Variants in SAMTOR observed in about 807,000 individuals in gnomAD.
SAMTOR encodes S-adenosylmethionine sensor upstream of mTORC1.
chr7:112,918,000 T>C, the SAMTOR span, among the ~76,000 whole-genome samples: 1 of 152,076 alleles, frequency 6.6e-6, no homozygotes, highest in Non-Finnish European at 1.5e-5. Flanking sequence ...ATGGGGAGAA[T>C]GGAACCAAGT....
chr7:112,834,626 C>T, the SAMTOR span, among the ~76,000 whole-genome samples: 1 of 152,132 alleles, frequency 6.6e-6, no homozygotes, highest in Non-Finnish European at 1.5e-5. Context: ...GAATCACATC[C>T]ATTTGTCCAA....
the SAMTOR span, among the ~76,000 whole-genome samples, chr7:112,865,613 T>C: frequency 2.7e-5 from 4 of 147,506 alleles, no homozygotes; most frequent in South Asian, 8.4e-4. Flanking sequence ...TTCATATATA[T>C]ACATATATTC....
chr7:112,896,365 G>A, the SAMTOR span, among the ~76,000 whole-genome samples: 1 of 152,150 alleles, frequency 6.6e-6, no homozygotes, highest in Non-Finnish European at 1.5e-5. Flanking sequence ...ATTGCTTGGT[G>A]AAGTTCCAAA....
chr7:112,920,069 A>G, the SAMTOR span, among the ~76,000 whole-genome samples: 1 of 152,156 alleles, frequency 6.6e-6, no homozygotes, highest in Non-Finnish European at 1.5e-5. Context: ...AATCAACAGA[A>G]AAAGAGGGAA....
the SAMTOR span, among the ~76,000 whole-genome samples, chr7:112,891,878 T>G: frequency 6.6e-6 from 1 of 152,234 alleles, no homozygotes; most frequent in Non-Finnish European, 1.5e-5. Flanking sequence ...TGATGGTTGC[T>G]GAAAGCTGGG....
At chr7:112,860,843 C>T in the SAMTOR span, among the ~76,000 whole-genome samples, 11 of 137,810 alleles carry the variant, frequency 8.0e-5, no homozygotes, top group African/African-American at 2.8e-4. Context: ...ACCGGGGAGG[C>T]GGAGCTTGCA....
the SAMTOR span, among the ~76,000 whole-genome samples, chr7:112,912,036 C>CAT: frequency 1.9e-4 from 29 of 150,478 alleles, no homozygotes; most frequent in African/African-American, 6.4e-4. Flanking sequence ...GAAAAAAATA[C>CAT]ATATATATAT....
chr7:112,851,039 G>C, the SAMTOR span, among the ~76,000 whole-genome samples: 1 of 152,146 alleles, frequency 6.6e-6, no homozygotes, highest in East Asian at 1.9e-4. Context: ...TCTACAAGGA[G>C]AACTACAAAA....
chr7:112,871,453 C>CA, the SAMTOR span, among the ~76,000 whole-genome samples: 1,642 of 152,098 alleles, frequency 0.011, 29 homozygotes, highest in African/African-American at 0.037. Flanking sequence ...AGGCATAAAT[C>CA]AAAAACTATT....
chr7:112,838,465 A>C, the SAMTOR span, among the ~76,000 whole-genome samples: 3 of 151,894 alleles, frequency 2.0e-5, no homozygotes, highest in Non-Finnish European at 4.4e-5. Context: ...TTATTTTTGC[A>C]AAAAAGAAAT....
the SAMTOR span, chr7:112,819,695 A>ATT: frequency 6.6e-6 from 1 of 152,602 alleles, no homozygotes; most frequent in Non-Finnish European, 1.5e-5. Flanking sequence ...ACTTTGGAGC[A>ATT]TAAGCAGAAT....
chr7:112,870,862 A>G, the SAMTOR span, among the ~76,000 whole-genome samples: 1 of 150,926 alleles, frequency 6.6e-6, no homozygotes, highest in Admixed American at 6.6e-5. Context: ...AATGGAATAT[A>G]AAAAAAAACA....
the SAMTOR span, among the ~76,000 whole-genome samples, chr7:112,868,621 C>T: frequency 6.6e-6 from 1 of 152,190 alleles, no homozygotes; most frequent in Non-Finnish European, 1.5e-5. Context: ...GAGAGGAGGA[C>T]ACCATTTCAA....
At chr7:112,933,896 C>T in the SAMTOR span, among the ~76,000 whole-genome samples, 4 of 152,224 alleles carry the variant, frequency 2.6e-5, no homozygotes, top group African/African-American at 9.6e-5. Context: ...AAGCTGCAAA[C>T]ATGATATATA....
At chr7:112,856,196 C>A in the SAMTOR span, among the ~76,000 whole-genome samples, 1 of 151,824 alleles carries the variant, frequency 6.6e-6, no homozygotes, top group East Asian at 1.9e-4. Context: ...GAAATTAATA[C>A]CCGAATTATA....
At chr7:112,871,073 G>A in the SAMTOR span, among the ~76,000 whole-genome samples, 1 of 152,076 alleles carries the variant, frequency 6.6e-6, no homozygotes, top group African/African-American at 2.4e-5. Flanking sequence ...ACAGCCACAG[G>A]GTAATAGTGG....
the SAMTOR span, among the ~76,000 whole-genome samples, chr7:112,843,384 G>A: frequency 6.6e-6 from 1 of 151,902 alleles, no homozygotes; most frequent in Admixed American, 6.6e-5. Context: ...CAATTTCTAA[G>A]TAGTGATGAG....
chr7:112,858,390 A>G, the SAMTOR span, among the ~76,000 whole-genome samples: 1 of 151,878 alleles, frequency 6.6e-6, no homozygotes, highest in African/African-American at 2.4e-5. Flanking sequence ...GTAAAAACAG[A>G]ATATAAATAT....
the SAMTOR span, among the ~76,000 whole-genome samples, chr7:112,845,821 G>A: frequency 6.6e-6 from 1 of 152,122 alleles, no homozygotes; most frequent in African/African-American, 2.4e-5. Context: ...TAGCAAAGAC[G>A]TGGAATCAAC....
Sources: gnomAD v4.1 joint callset for allele counts (sites outside exome capture counted in the v4.1 genomes callset) on GRCh38, gnomAD v4.1.1 for gene constraint, MANE v1.5 for transcripts, NCBI Gene and HGNC (gene_info 2026-07-23, HGNC 2026-07-21) for gene names.